Variants in ZHX1 observed in about 807,000 individuals in gnomAD.
The protein encoded by ZHX1 is zinc fingers and homeoboxes protein 1.
In ZHX1, 20 loss-of-function variants were observed where a neutral mutation model predicts 61.8. That is an observed-to-expected ratio of 0.32 (90% confidence interval 0.23 to 0.47). The LOEUF is 0.47. ZHX1 is among the 20% of genes least tolerant of loss of function. The pLI is 1.00. For missense variants in ZHX1, 800 were observed against 1,034.8 expected (o/e 0.77, Z 3.11); for synonymous variants, 318 against 352.6 (o/e 0.90, Z 1.10).
At position 123,254,863 on chromosome 8, in the gene ZHX1, T is replaced by C; in HGVS notation, c.1084A>G (p.Thr362Ala). The C allele has an allele frequency of 6.2e-7, 1 of 1,614,208 alleles. No homozygotes were observed. Among genetic ancestry groups the C allele is most frequent in the Non-Finnish European group, 8.5e-7 (1 of 1,180,008 alleles). ...ATAACAGTTATGGTCTGAGGTACAG[T>C]ATGCACTGTTCCATTGAATTGTTTC... ...RRKQFNGTVH[T>A]VPQTITVIPT... The change falls in exon 3 of 4, where the codon ACT becomes GCT. Residue 362 changes from threonine to alanine, a missense_variant. Physicochemically the swap from Thr to Ala is moderately conservative, Grantham distance 58 (BLOSUM62 0). Transcript: ENST00000395571. The surrounding 1 kb of genome is among the most constrained non-coding windows in gnomAD (Gnocchi z 4.1).
rs755856015 is a variant in ZHX1, at chr8:123,253,657, T to G, written c.2290A>C (p.Lys764Gln). 40 of 1,614,116 alleles carry G rather than the reference T, an allele frequency of 2.5e-5. No homozygotes were observed. The highest frequency in any genetic ancestry group is 4.5e-5 in the East Asian group (2 of 44,898). ...GRPRGRPRGS[K>Q]RINNWDRGPS... Reference sequence around the variant, plus strand: ...CCCCTGTCCCAGTTGTTAATTCTTTTGCTTCCTCTAGGCCGCCCACGCGGT... The same window carrying G: ...CCCCTGTCCCAGTTGTTAATTCTTTGGCTTCCTCTAGGCCGCCCACGCGGT... The change falls in exon 3 of 4, where the codon AAA becomes CAA. Residue 764 changes from lysine (K) to glutamine (Q), a missense_variant. Lys to Gln is a moderately conservative substitution (Grantham distance 53). Transcript: ENST00000395571.
chr8:123,267,529 C>T (rs901735228), intron 1 of ZHX1, 143 bp from the exon 2 acceptor site: 1 of 377,784 alleles, frequency 2.6e-6, no homozygotes, highest in Non-Finnish European at 4.7e-6. Context: ...TTAAAAGAAC[C>T]ATTTAAATAC....
At chr8:123,260,446 A>G (rs1310057354) in intron 2 of ZHX1, among the ~76,000 whole-genome samples, 1 of 150,290 alleles carries the variant, frequency 6.7e-6, no homozygotes, top group Non-Finnish European at 1.5e-5. Flanking sequence ...TAAAAATATA[A>G]AAGTTAGCCG....
chr8:123,263,995 A>G (rs1826371418), intron 2 of ZHX1, among the ~76,000 whole-genome samples: 1 of 152,190 alleles, frequency 6.6e-6, no homozygotes, highest in Admixed American at 6.6e-5. Flanking sequence ...TTAGTCATGA[A>G]TATTAAAACA....
chr8:123,252,249 C>T (rs1825940440), intron 3 of ZHX1, among the ~76,000 whole-genome samples: 1 of 152,182 alleles, frequency 6.6e-6, no homozygotes, highest in Non-Finnish European at 1.5e-5. Context: ...AAACAGTGTA[C>T]TTTTACCCCG....
chr8:123,273,060 C>T (rs1826708937), intron 1 of ZHX1, among the ~76,000 whole-genome samples: 1 of 151,712 alleles, frequency 6.6e-6, no homozygotes, highest in African/African-American at 2.4e-5. Flanking sequence ...CTGTATTCCT[C>T]TTTTCTCATC....
intron 1 of ZHX1, 106 bp downstream of exon 1, chr8:123,274,111 G>A (rs1826758250): frequency 6.5e-6 from 1 of 152,802 alleles, no homozygotes; most frequent in South Asian, 2.1e-4. Flanking sequence ...GCCAGGCCCC[G>A]CGCTACTCGC....
intron 2 of ZHX1, among the ~76,000 whole-genome samples, chr8:123,265,081 C>G (rs569538231): frequency 6.7e-6 from 1 of 149,730 alleles, no homozygotes; most frequent in Admixed American, 6.7e-5. Flanking sequence ...TCCAGCTACT[C>G]GGGAGGTTGA....
In ZHX1 at chr8:123,255,202, T is replaced by A. The variant is rs768305461; in HGVS notation, c.745A>T (p.Thr249Ser). ...AGAACTGCTGCTGGTGTCACTACCGTGCTGGCAGTACTTGGATGTATTCTG... is the reference window on the plus strand; with the variant it reads ...AGAACTGCTGCTGGTGTCACTACCGAGCTGGCAGTACTTGGATGTATTCTG... ...VNRIHPSTASTVVTPAAVLPG... is the reference protein window; with the variant it reads ...VNRIHPSTASSVVTPAAVLPG... Residue 249 changes from threonine to serine, a missense_variant, in exon 3 of 4, where the codon ACG becomes TCG. By Grantham distance (58) the Thr-to-Ser change is moderately conservative. Transcript: ENST00000395571. 1 of 1,614,162 alleles carries A rather than the reference T, an allele frequency of 6.2e-7. No individual in the cohort carries two copies. The highest frequency in any genetic ancestry group is 1.1e-5 in the South Asian group (1 of 91,088).
At position 123,253,763 on chromosome 8, in the gene ZHX1, G is replaced by A. The variant is rs201206286; in HGVS notation, c.2184C>T (p.Ser728=). 269 of 1,614,132 alleles carry A rather than the reference G, an allele frequency of 1.7e-4. 2 individuals are homozygous for A. The Admixed American group carries it at 3.7e-3, about 22-fold the overall frequency. ...GNLKWYYYYQ[S]ANSSSMNGLS... is the part of the protein sequence containing the mutation. ...GACCATTCATACTACTTGAATTGGC[G>A]CTCTGATAGTAGTAGTACCATTTCA... Residue 728 remains serine, a synonymous_variant, in exon 3 of 4, where the codon AGC becomes AGT. Coordinates refer to ENST00000395571, the MANE Select transcript of ZHX1 (RefSeq NM_007222.5).
chr8:123,257,975 C>G (rs1216291271), intron 2 of ZHX1, among the ~76,000 whole-genome samples: 1 of 152,184 alleles, frequency 6.6e-6, no homozygotes, highest in East Asian at 1.9e-4. Context: ...CCCTGCACCA[C>G]CATCCATATC....
At chr8:123,256,637 G>A (rs1003693043) in intron 2 of ZHX1, among the ~76,000 whole-genome samples, 1 of 152,000 alleles carries the variant, frequency 6.6e-6, no homozygotes, top group Non-Finnish European at 1.5e-5. Context: ...GGTGGCAGGT[G>A]CCTGTAGTCC....
intron 1 of ZHX1, among the ~76,000 whole-genome samples, chr8:123,268,516 G>A (rs1234019161): frequency 6.6e-6 from 1 of 151,268 alleles, no homozygotes; most frequent in African/African-American, 2.4e-5. Context: ...TTTTTGAGAT[G>A]GAGTCTCACT....
In ZHX1 at chr8:123,260,705, A is replaced by C. The variant is rs377661181; in HGVS notation, c.-225-4534T>G. Among the ~76,000 whole-genome samples, 19 of 152,330 alleles carry C rather than the reference A, an allele frequency of 1.2e-4. No homozygotes were observed. The East Asian group carries it at 2.7e-3, about 22-fold the overall frequency. On this transcript the variant is annotated intron_variant, in intron 2 of 3. Coordinates refer to ENST00000395571, the MANE Select transcript of ZHX1 (RefSeq NM_007222.5). The stretch of plus-strand genomic sequence containing the variant: ...TCCTCCTCTCATTGAGCCATTGCTC[A>C]GCCATGAAATTTGAAAACTCATCTT...
At position 123,249,837 on chromosome 8, in the gene ZHX1, GTTT is replaced by G. The variant is rs869039149; in HGVS notation, c.*484_*486del. On this transcript the variant is annotated 3_prime_UTR_variant, in exon 4 of 4. Coordinates refer to ENST00000395571, the MANE Select transcript of ZHX1 (RefSeq NM_007222.5). ...AAATAAGACATAGTAATAAATCAGGGTTTTTTTTTTTTTTTTTTTTTTACCCAT... is the reference window on the plus strand; with the variant it reads ...AAATAAGACATAGTAATAAATCAGGGTTTTTTTTTTTTTTTTTTTACCCAT... 12 of 117,306 alleles carry G rather than the reference GTTT, an allele frequency of 1.0e-4. No individual in the cohort carries two copies. Among genetic ancestry groups the G allele is most frequent in the South Asian group, 5.6e-4 (2 of 3,576 alleles). The allele number at this position is 117,306 out of a possible 1,614,324, so 7.3% of individuals were successfully genotyped here. A position where few individuals can be genotyped will look rare whatever the true frequency, so the allele number is the denominator to read the frequency against.
At position 123,254,111 on chromosome 8, in the gene ZHX1, G is replaced by C; in HGVS notation, c.1836C>G (p.Ile612Met). 1 of 1,614,010 alleles carries C rather than the reference G, an allele frequency of 6.2e-7. No individual in the cohort carries two copies. Among genetic ancestry groups the C allele is most frequent in the Non-Finnish European group, 8.5e-7 (1 of 1,180,024 alleles). ...TCTTCTTCTCTGTAAACCAAGCATC[G>C]ATTTCTCTTCTGGTAAGTTTGGTTT... ...RAQTKLTRRE[I>M]DAWFTEKKKS... Residue 612 changes from isoleucine (I) to methionine (M), a missense_variant, in exon 3 of 4, where the codon ATC (isoleucine) becomes ATG (methionine). By Grantham distance (10) the Ile-to-Met change is conservative (BLOSUM62 1). Coordinates refer to ENST00000395571, the MANE Select transcript of ZHX1 (RefSeq NM_007222.5). This position sits in a 1 kb window ranked among gnomAD's most constrained non-coding sequence, Gnocchi z 4.1.
chr8:123,269,169 T>C (rs1223448266), intron 1 of ZHX1, among the ~76,000 whole-genome samples: 2 of 152,192 alleles, frequency 1.3e-5, no homozygotes, highest in African/African-American at 4.8e-5. Context: ...AGGAAACAGC[T>C]GCCAAAGAGG....
rs545498083 is a variant in ZHX1, at chr8:123,249,335, G to GA, written c.*988dup. On this transcript the variant is annotated 3_prime_UTR_variant, in exon 4 of 4. Coordinates refer to ENST00000395571, the MANE Select transcript of ZHX1 (RefSeq NM_007222.5). ...GTTAACACTCCCATGATTCATAAGT[G>GA]AAAAGCTAACTTTTAACTCATTATG... 3 of 152,156 alleles carry GA rather than the reference G, an allele frequency of 2.0e-5. No homozygotes were observed. The highest frequency in any genetic ancestry group is 4.1e-4 in the South Asian group (2 of 4,830). The allele number at this position is 152,156 out of a possible 1,614,324, so 9.4% of individuals were successfully genotyped here.
At chr8:123,257,266 A>G (rs780896101) in intron 2 of ZHX1, 6 of 152,238 alleles carry the variant, frequency 3.9e-5, no homozygotes, top group Non-Finnish European at 8.8e-5. Flanking sequence ...ACCAAAAGTT[A>G]TAAAGCAGAT....
Sources: allele counts gnomAD v4.1 joint callset (sites outside exome capture counted in the v4.1 genomes callset), GRCh38; gene constraint gnomAD v4.1.1; non-coding constraint Gnocchi (gnomAD v3.1); transcripts MANE v1.5; gene names NCBI Gene and HGNC (gene_info 2026-07-23, HGNC 2026-07-21).